BPTF: variants seen among roughly 807,000 people sequenced by gnomAD.
BPTF encodes bromodomain PHD finger transcription factor, also known as nucleosome-remodeling factor subunit BPTF.
Under a neutral mutation model 292.5 loss-of-function variants are expected in BPTF, and 18 were observed. The observed-to-expected ratio is 0.06, with a 90% CI of 0.04 to 0.09. The LOEUF is 0.09. BPTF is among the 10% of genes least tolerant of loss of function. The pLI is 1.00. For missense variants in BPTF, 2,726 were observed against 3,498.7 expected (o/e 0.78, Z 5.57); for synonymous variants, 1,225 against 1,251.9 (o/e 0.98, Z 0.45).
chr17:67,928,319 A>C, intron 15 of BPTF, 36 bp from the exon 16 acceptor site: 1 of 1,571,478 alleles, frequency 6.4e-7, no homozygotes, highest in South Asian at 1.2e-5. Flanking sequence ...ATTTAGAACT[A>C]TTTTGATTCA....
rs571076076 is a variant in BPTF at position 67,928,669 on chromosome 17, CTGAAA to C, written c.5998+74_5998+78del. The stretch of plus-strand genomic sequence containing the variant: ...AAAAGAATTTTCAACCCTTTAGCTA[CTGAAA>C]TGAAACATTTTTTTAGAAGATTGTT... On this transcript the variant is annotated intron_variant, in intron 16 of 27. Coordinates refer to ENST00000306378, the MANE Select transcript of BPTF (RefSeq NM_182641.4). 2.3e-4 allele frequency: 334 copies of C among 1,480,074 alleles called. 2 individuals carry two copies. In the Admixed American group the frequency reaches 2.8e-3, roughly 12 times the overall value. The allele number at this position is 1,480,074 out of a possible 1,614,324, so 91.7% of individuals were successfully genotyped here.
intron 25 of BPTF, 42 bp from the exon 26 acceptor site, chr17:67,966,530 A>AGT (rs781844346): frequency 1.3e-6 from 2 of 1,557,474 alleles, no homozygotes; most frequent in African/African-American, 2.7e-5. Context: ...AAATGGAATT[A>AGT]GTGTTTTCAC....
intron 1 of BPTF, among the ~76,000 whole-genome samples, chr17:67,831,216 G>C (rs2056640808): frequency 6.6e-6 from 1 of 152,154 alleles, no homozygotes; most frequent in Non-Finnish European, 1.5e-5. Flanking sequence ...GAGTTCTTCA[G>C]GCCTTGACAC....
intron 12 of BPTF, 39 bp downstream of exon 12, chr17:67,918,877 A>G: frequency 6.2e-7 from 1 of 1,602,998 alleles, no homozygotes. Context: ...TTAAGTTTAA[A>G]AGCTAAAATC....
intron 13 of BPTF, among the ~76,000 whole-genome samples, chr17:67,921,888 G>A (rs967929163): frequency 1.3e-5 from 2 of 151,756 alleles, no homozygotes; most frequent in Non-Finnish European, 2.9e-5. Flanking sequence ...AGAAATTAGC[G>A]GGACATGGTA....
chr17:67,913,240 TCTCA>T, intron 11 of BPTF, 53 bp downstream of exon 11: 1 of 1,503,430 alleles, frequency 6.7e-7, no homozygotes. Context: ...AAAAGAATTA[TCTCA>T]CAAGAATATC....
chr17:67,879,642 A>T (rs1342703797), intron 4 of BPTF, among the ~76,000 whole-genome samples: 2 of 152,186 alleles, frequency 1.3e-5, no homozygotes, highest in Non-Finnish European at 2.9e-5. Context: ...TGCAGACTGT[A>T]CAAGAAGCAT....
rs1159511553 is a variant in BPTF at position 67,886,227 on chromosome 17, C to G, written c.1865-5617C>G. ...AGTAACAGCAGCAGTGAACTAAATT[C>G]TTCCCAGAGTGAATCTGCTAAGGCA... On this transcript the variant is annotated intron_variant, in intron 4 of 27. Transcript: ENST00000306378. 6.2e-7 allele frequency: 1 copy of G among 1,613,924 alleles called. No individual in the cohort carries two copies. Among genetic ancestry groups the G allele is most frequent in the African/African-American group, 1.3e-5 (1 of 74,928 alleles).
intron 27 of BPTF, chr17:67,977,929 A>G (rs1230938141): frequency 3.5e-5 from 5 of 144,852 alleles, no homozygotes; most frequent in African/African-American, 1.0e-4. Flanking sequence ...ATCTCGGCTC[A>G]CCACAAGCCC....
chr17:67,894,819 A>G (rs1164281680), intron 7 of BPTF, among the ~76,000 whole-genome samples: 2 of 152,186 alleles, frequency 1.3e-5, no homozygotes, highest in African/African-American at 4.8e-5. Flanking sequence ...TTTAAAGTTC[A>G]TTGTCCAACC....
At chr17:67,915,939 A>T (rs570878134) in intron 11 of BPTF, among the ~76,000 whole-genome samples, 5 of 152,152 alleles carry the variant, frequency 3.3e-5, no homozygotes, top group African/African-American at 1.2e-4. Flanking sequence ...TGTTATTTCC[A>T]TTTTAAAATA....
chr17:67,856,565 T>C (rs1250431280), intron 2 of BPTF, among the ~76,000 whole-genome samples: 1 of 152,242 alleles, frequency 6.6e-6, no homozygotes, highest in Non-Finnish European at 1.5e-5. Flanking sequence ...GTGGGCCTTA[T>C]CAATTTTGAC....
At chr17:67,879,783 A>G (rs1351052027) in intron 4 of BPTF, among the ~76,000 whole-genome samples, 2 of 152,108 alleles carry the variant, frequency 1.3e-5, no homozygotes, top group Non-Finnish European at 2.9e-5. Context: ...GGCAGATGAC[A>G]GGCTCTTTTT....
At chr17:67,897,563 C>T (rs1270225397) in intron 7 of BPTF, among the ~76,000 whole-genome samples, 3 of 151,928 alleles carry the variant, frequency 2.0e-5, no homozygotes, top group African/African-American at 7.3e-5. Context: ...CCTTCCATCC[C>T]CACTGCCACA....
Position 67,910,864 on chromosome 17 carries a change from CTT to C in BPTF, c.2993-11_2993-10del. On this transcript the variant is annotated splice_polypyrimidine_tract_variant and intron_variant, in intron 10 of 27. Coordinates refer to ENST00000306378, the MANE Select transcript of BPTF (RefSeq NM_182641.4). ...GTAAAAATTACATTTATATAAATGT[CTT>C]TGTTTCACAGATGTGAAGGAGCTCT... is the stretch of plus-strand genomic sequence containing the variant. 6.5e-7 allele frequency: 1 copy of C among 1,528,892 alleles called. No homozygotes were observed. Among genetic ancestry groups the C allele is most frequent in the Non-Finnish European group, 8.8e-7 (1 of 1,137,294 alleles). 94.7% of individuals were successfully genotyped at this position (1,528,892 alleles called of 1,614,324 possible).
At chr17:67,891,257 T>C (rs898827719) in intron 4 of BPTF, among the ~76,000 whole-genome samples, 6 of 152,220 alleles carry the variant, frequency 3.9e-5, no homozygotes, top group African/African-American at 1.2e-4. Context: ...CTGTGGAGTT[T>C]AGTGTGTCCT....
At chr17:67,838,442 T>C (rs1195346920) in intron 1 of BPTF, among the ~76,000 whole-genome samples, 1 of 152,232 alleles carries the variant, frequency 6.6e-6, no homozygotes, top group Non-Finnish European at 1.5e-5. Context: ...TTGGTTCCTC[T>C]CATTAGTTAA....
chr17:67,842,277 C>T (rs1184841356), intron 1 of BPTF, among the ~76,000 whole-genome samples: 3 of 152,102 alleles, frequency 2.0e-5, no homozygotes, highest in Non-Finnish European at 4.4e-5. Flanking sequence ...ACAATGCATG[C>T]ATGATACCTT....
intron 15 of BPTF, among the ~76,000 whole-genome samples, chr17:67,925,992 CTTTTTTTTTTTTT>C (rs60083535): frequency 1.2e-3 from 67 of 56,658 alleles, no homozygotes; most frequent in South Asian, 3.3e-3. Flanking sequence ...TAACATATTA[CTTTTTTTTTTTTT>C]TTTTTTTTTT....
Sources: gnomAD v4.1 joint callset for allele counts (sites outside exome capture counted in the v4.1 genomes callset) on GRCh38, gnomAD v4.1.1 for gene constraint, MANE v1.5 for transcripts, NCBI Gene and HGNC (gene_info 2026-07-23, HGNC 2026-07-21) for gene names.